The following RIN2 variants were observed in gnomAD, a reference collection of about 807,000 sequenced individuals.
The protein encoded by RIN2 is Ras and Rab interactor 2, also known as RAB5 interacting protein 2.
In RIN2, 36 loss-of-function variants were observed where a neutral mutation model predicts 78.0. That is an observed-to-expected ratio of 0.46 (90% CI 0.35 to 0.61). The LOEUF (loss-of-function observed/expected upper bound fraction) is 0.61, where lower values mean the gene tolerates loss of function less well. Ranked by LOEUF, RIN2 falls within the 20% of genes least tolerant of loss-of-function variation. The pLI is 0.00. For synonymous variants in RIN2, 466 were observed against 466.8 expected, an observed-to-expected ratio of 1.00 and a Z score of 0.02; for missense variants, 1,087 against 1,159.7, an observed-to-expected ratio of 0.94 and a Z score of 0.91.
chr20:19,885,099 A>C (rs989694770), intron 2 of RIN2, among the ~76,000 whole-genome samples: 3 of 152,196 alleles, frequency 2.0e-5, no homozygotes, highest in African/African-American at 7.2e-5. Context: ...GGAGATGAGA[A>C]TCCAGGACTT....
intron 5 of RIN2, among the ~76,000 whole-genome samples, chr20:19,958,921 A>G (rs1319592034): frequency 6.6e-6 from 1 of 152,132 alleles, no homozygotes; most frequent in Non-Finnish European, 1.5e-5. Context: ...AGGTGGCTAA[A>G]AGTGTGTGAA....
chr20:19,822,027 G>A (rs146488540), intron 2 of RIN2, among the ~76,000 whole-genome samples: 3 of 152,328 alleles, frequency 2.0e-5, no homozygotes, highest in Admixed American at 6.5e-5. Context: ...AGAGTTAAAC[G>A]TGGCTCATTC....
intron 2 of RIN2, among the ~76,000 whole-genome samples, chr20:19,849,118 G>C (rs770897832): frequency 1.4e-4 from 22 of 151,826 alleles, no homozygotes; most frequent in Non-Finnish European, 2.4e-4. Flanking sequence ...GATATCAAAA[G>C]CCTAAACTGT....
chr20:20,001,530 A>G lies in RIN2; in HGVS notation c.*594A>G, dbSNP rs139619205. 1,118 of 152,682 alleles carry G rather than the reference A, an allele frequency of 7.3e-3. 17 individuals are homozygous for G. The highest frequency in any genetic ancestry group is 6.5e-3 in the Non-Finnish European group (445 of 68,034). The allele number at this position is 152,682 out of a possible 1,614,324, so 9.5% of individuals were successfully genotyped here. On this transcript the variant is annotated 3_prime_UTR_variant, in exon 13 of 13. Coordinates refer to ENST00000255006, the MANE Select transcript of RIN2 (RefSeq NM_018993.4). ...ATGTGATTTTAACATTTAATATTCA[A>G]AAATAAATCTCTTGCTGGATTTGAG...
intron 1 of RIN2, among the ~76,000 whole-genome samples, chr20:19,784,917 C>T (rs2034623744): frequency 1.3e-5 from 2 of 152,140 alleles, no homozygotes; most frequent in South Asian, 4.1e-4. Flanking sequence ...AGGAAGGGCA[C>T]TGCCCCTTGG....
intron 2 of RIN2, among the ~76,000 whole-genome samples, chr20:19,826,292 A>G (rs2122953264): frequency 6.6e-6 from 1 of 152,342 alleles, no homozygotes; most frequent in Non-Finnish European, 1.5e-5. Context: ...TTTATTAATC[A>G]TTTATTATAT....
intron 12 of RIN2, among the ~76,000 whole-genome samples, chr20:20,000,214 T>C (rs1277605637): frequency 6.6e-6 from 1 of 152,222 alleles, no homozygotes; most frequent in East Asian, 1.9e-4. Context: ...TGCTTTTGTG[T>C]CTAGATATTT....
At chr20:19,792,487 G>A (rs1337409493) in intron 1 of RIN2, among the ~76,000 whole-genome samples, 1 of 152,192 alleles carries the variant, frequency 6.6e-6, no homozygotes, top group Non-Finnish European at 1.5e-5. Flanking sequence ...AGTGATGTGT[G>A]TTGTGAGAAA....
intron 2 of RIN2, among the ~76,000 whole-genome samples, chr20:19,856,825 C>A (rs2037185412): frequency 6.6e-6 from 1 of 152,122 alleles, no homozygotes; most frequent in South Asian, 2.1e-4. Flanking sequence ...AGCGAGGTAG[C>A]TTTGGCTGTG....
intron 1 of RIN2, among the ~76,000 whole-genome samples, chr20:19,764,918 G>GTGTTTTTTTTTTTT (rs1274106795): frequency 2.0e-5 from 1 of 50,362 alleles, no homozygotes; most frequent in African/African-American, 6.5e-5. Context: ...CACTTTCTGC[G>GTGTTTTTTTTTTTT]TTTTTTTTTT....
At chr20:19,943,655 T>A (rs1279653130) in intron 4 of RIN2, among the ~76,000 whole-genome samples, 1 of 152,206 alleles carries the variant, frequency 6.6e-6, no homozygotes. Flanking sequence ...AAACTGGACC[T>A]AGGACCAGTT....
intron 2 of RIN2, among the ~76,000 whole-genome samples, chr20:19,882,106 C>T (rs977657479): frequency 6.6e-6 from 1 of 152,124 alleles, no homozygotes; most frequent in Non-Finnish European, 1.5e-5. Flanking sequence ...AAAAATGATA[C>T]TGGTAGAAGA....
At chr20:19,776,401 TA>T (rs2034310848) in intron 1 of RIN2, among the ~76,000 whole-genome samples, 1 of 152,180 alleles carries the variant, frequency 6.6e-6, no homozygotes, top group Non-Finnish European at 1.5e-5. Context: ...TCCAGGTCTT[TA>T]GATAATAACT....
intron 2 of RIN2, among the ~76,000 whole-genome samples, chr20:19,802,044 G>A (rs747147790): frequency 1.3e-5 from 2 of 152,130 alleles, no homozygotes; most frequent in Non-Finnish European, 2.9e-5. Flanking sequence ...TAGGTTATCC[G>A]AGCAAAAAAT....
chr20:19,849,858 T>A (rs2036906125), intron 2 of RIN2, among the ~76,000 whole-genome samples: 1 of 152,156 alleles, frequency 6.6e-6, no homozygotes, highest in Admixed American at 6.5e-5. Flanking sequence ...AACAGCAGCC[T>A]CCAGAAAATG....
intron 2 of RIN2, among the ~76,000 whole-genome samples, chr20:19,828,450 A>C (rs1376087599): frequency 6.6e-6 from 1 of 152,132 alleles, no homozygotes; most frequent in Non-Finnish European, 1.5e-5. Flanking sequence ...ACACTATGAG[A>C]ATATGTGCGG....
At chr20:19,887,052 G>A (rs1157854680) in intron 2 of RIN2, among the ~76,000 whole-genome samples, 4 of 151,590 alleles carry the variant, frequency 2.6e-5, no homozygotes, top group African/African-American at 9.7e-5. Flanking sequence ...TCGAGACAGA[G>A]TGTTACTCTG....
At chr20:19,880,392 CTTTTTTT>C (rs33934712) in intron 2 of RIN2, among the ~76,000 whole-genome samples, 1 of 57,388 alleles carries the variant, frequency 1.7e-5, no homozygotes, top group Admixed American at 3.0e-4. Context: ...GGAAGTCATT[CTTTTTTT>C]TTTTTTTTTT....
intron 3 of RIN2, among the ~76,000 whole-genome samples, chr20:19,926,007 C>T (rs771056544): frequency 2.0e-5 from 3 of 152,186 alleles, no homozygotes; most frequent in African/African-American, 2.4e-5. Context: ...GGTGGAAAAC[C>T]GTTCCCACTT....
Sources: gnomAD v4.1 joint callset for allele counts (sites outside exome capture counted in the v4.1 genomes callset) on GRCh38, gnomAD v4.1.1 for gene constraint, MANE v1.5 for transcripts, NCBI Gene and HGNC (gene_info 2026-07-23, HGNC 2026-07-21) for gene names.